Variants in UHRF2 observed in about 807,000 individuals in gnomAD.
UHRF2 encodes the protein E3 ubiquitin-protein ligase UHRF2.
UHRF2 carries 23 observed loss-of-function variants against 96.8 expected under a neutral mutation model. The ratio of observed to expected loss-of-function variants is 0.24; its 90% confidence interval spans 0.17 to 0.34. The LOEUF is 0.34. Among genes scored for constraint, UHRF2 ranks in the 10% least tolerant of loss-of-function variants. The pLI is 1.00. For synonymous variants in UHRF2, 385 were observed against 332.6 expected, an observed-to-expected ratio of 1.16 and a Z score of -1.72; for missense variants, 685 against 981.5, an observed-to-expected ratio of 0.70 and a Z score of 4.04.
At position 6,500,576 on chromosome 9, in the gene UHRF2, T is replaced by G. The variant is rs1337642995; in HGVS notation, c.2030T>G (p.Val677Gly). Residue 677 changes from valine to glycine, a missense_variant, in exon 14 of 16, where the codon GTG becomes GGG. Physicochemically the swap from Val to Gly is moderately radical, Grantham distance 109. Around this residue, in one of 6 missense-constraint regions of UHRF2, gnomAD observed 99 missense variants for 73.5 expected, o/e 1.35. Transcript: ENST00000276893. Reference sequence around the variant, plus strand: ...GATGACTGTCCAAGTGCCTCCAAAGTGTACAAAGCATCAGATTCAGCAGAA... The same window carrying G: ...GATGACTGTCCAAGTGCCTCCAAAGGGTACAAAGCATCAGATTCAGCAGAA... The part of the protein sequence containing the change: ...SDDDCPSASK[V>G]YKASDSAEAI... 6.2e-7 allele frequency: 1 copy of G among 1,612,702 alleles called. No individual in the cohort carries two copies. The highest frequency in any genetic ancestry group is 1.3e-5 in the African/African-American group (1 of 74,876).
At chr9:6,422,631 A>G (rs868098820) in intron 2 of UHRF2, 1 of 636,292 alleles carries the variant, frequency 1.6e-6, no homozygotes, top group Non-Finnish European at 2.9e-6. Context: ...TTTTTTTGAG[A>G]CAGGGTCTGG....
intron 14 of UHRF2, among the ~76,000 whole-genome samples, chr9:6,503,689 A>G (rs988226330): frequency 6.6e-6 from 1 of 152,210 alleles, no homozygotes; most frequent in African/African-American, 2.4e-5. Context: ...TTCAAGTTTT[A>G]TAACAGCAGA....
chr9:6,424,368 G>A (rs1031330832), intron 2 of UHRF2, among the ~76,000 whole-genome samples: 2 of 93,012 alleles, frequency 2.2e-5, no homozygotes, highest in Non-Finnish European at 5.7e-5. Flanking sequence ...GTGCTATATA[G>A]TGGTCACAAT....
At position 6,486,709 on chromosome 9, in the gene UHRF2, T is replaced by C; in HGVS notation, c.1393-112T>C. ...AATGAGAGAGCAAAAGATAGAACTC[T>C]GTGAGACTCACTTCTTGGGTCTTTA... is the stretch of plus-strand genomic sequence containing the variant. On this transcript the variant is annotated intron_variant, in intron 8 of 15. Transcript: ENST00000276893. 4.2e-6 allele frequency: 4 copies of C among 958,686 alleles called. No homozygotes were observed. In the South Asian group the frequency reaches 6.8e-5, roughly 16 times the overall value. 59.4% of individuals were successfully genotyped at this position (958,686 alleles called of 1,614,324 possible). A position where few individuals can be genotyped will look rare whatever the true frequency, so the allele number is the denominator to read the frequency against.
chr9:6,445,367 G>T (rs759533017), intron 3 of UHRF2, among the ~76,000 whole-genome samples: 1 of 152,062 alleles, frequency 6.6e-6, no homozygotes, highest in African/African-American at 2.4e-5. Context: ...AGGTTCAAGC[G>T]ATTCTCCTGC....
rs200835576 is a variant in UHRF2 at position 6,466,642 on chromosome 9, C to G, written c.863+5851C>G. Among the ~76,000 whole-genome samples the G allele has an allele frequency of 2.7e-5, 4 of 146,972 alleles. No homozygotes were observed. The East Asian group carries it at 8.3e-4, about 31-fold the overall frequency. On this transcript the variant is annotated intron_variant, in intron 4 of 15. Transcript: ENST00000276893. ...ATGTATTTACTAAATTTTTTTCATA[C>G]TTAAGAAATTTCTATAGTGATATAC...
intron 8 of UHRF2, among the ~76,000 whole-genome samples, chr9:6,484,244 GTTTT>G (rs1824110011): frequency 6.6e-6 from 1 of 151,550 alleles, no homozygotes; most frequent in African/African-American, 2.4e-5. Context: ...TTTTTGTTTT[GTTTT>G]GTTTTTTGGT....
chr9:6,497,887 A>C (rs1825065309), intron 11 of UHRF2, 131 bp from the exon 12 acceptor site: 1 of 1,130,946 alleles, frequency 8.8e-7, no homozygotes. Context: ...TTCTTGACTT[A>C]CTGTCCTTAC....
rs762962243 is a variant in UHRF2, at chr9:6,497,403, G to A, written c.1767+43G>A. The A allele has an allele frequency of 3.1e-6, 5 of 1,600,704 alleles. No homozygotes were observed. The African/African-American group carries it at 6.7e-5, about 21-fold the overall frequency. On this transcript the variant is annotated intron_variant, in intron 11 of 15. Transcript: ENST00000276893. Reference sequence around the variant, plus strand: ...ACATCTTGTTTGTCATTCTTCCTGGGCTTTCAAGGCAGGGTTGTTGCAAGG... The same window carrying A: ...ACATCTTGTTTGTCATTCTTCCTGGACTTTCAAGGCAGGGTTGTTGCAAGG...
intron 9 of UHRF2, among the ~76,000 whole-genome samples, chr9:6,489,397 CG>C (rs1210096880): frequency 6.6e-6 from 1 of 152,116 alleles, no homozygotes. Context: ...TTTTTGTAAA[CG>C]TAAGTCTTTA....
chr9:6,485,463 A>G (rs1057487711), intron 8 of UHRF2, among the ~76,000 whole-genome samples: 2 of 152,038 alleles, frequency 1.3e-5, no homozygotes, highest in Non-Finnish European at 2.9e-5. Flanking sequence ...AAGATTTAGG[A>G]AAAACAGATT....
chr9:6,446,276 A>T (rs2130804472), intron 3 of UHRF2, among the ~76,000 whole-genome samples: 1 of 151,636 alleles, frequency 6.6e-6, no homozygotes, highest in South Asian at 2.1e-4. Context: ...TCAGCCTCCC[A>T]GGTAGATGGA....
chr9:6,468,345 T>A (rs748731264), intron 4 of UHRF2: 3 of 427,812 alleles, frequency 7.0e-6, no homozygotes, highest in Non-Finnish European at 1.4e-5. Flanking sequence ...AAGCACCTGT[T>A]TGCAGGTAGG....
In UHRF2 at chr9:6,506,035, T is replaced by C. The variant is rs1816564278; in HGVS notation, c.2265T>C (p.Asp755=). The C allele has an allele frequency of 1.2e-6, 2 of 1,613,984 alleles. No individual in the cohort carries two copies. The highest frequency in any genetic ancestry group is 2.7e-5 in the African/African-American group (2 of 74,930). Residue 755 remains aspartate (D), a splice_region_variant and synonymous_variant, in exon 16 of 16, where the codon GAT becomes GAC. Transcript: ENST00000276893. ...TTECFHNVCK[D]CLQRSFKAQV... ...GGATGTTTTTGTTTTTACCATAGGA[T>C]TGCCTACAGCGCTCCTTTAAGGCAC... is the stretch of plus-strand genomic sequence containing the variant.
intron 4 of UHRF2, among the ~76,000 whole-genome samples, chr9:6,474,852 C>A (rs1022674020): frequency 4.6e-5 from 7 of 152,062 alleles, no homozygotes; most frequent in African/African-American, 1.7e-4. Flanking sequence ...ATGAAAAGGG[C>A]ATCTTATTTT....
At chr9:6,492,260 C>G (rs1481556357) in intron 9 of UHRF2, 2 of 938,862 alleles carry the variant, frequency 2.1e-6, no homozygotes, top group South Asian at 3.0e-5. Flanking sequence ...CTCTTACTTT[C>G]CATTACTTTT....
chr9:6,420,996 C>G lies in UHRF2; in HGVS notation c.238C>G (p.Leu80Val), dbSNP rs2130721413. The G allele has an allele frequency of 1.2e-6, 2 of 1,614,100 alleles. No individual in the cohort carries two copies. The highest frequency in any genetic ancestry group is 1.1e-5 in the South Asian group (1 of 91,068). ...GCTAGTTCGCCCAGACCCTGATCAT[C>G]TTCCTGGCACATCTACACAGATTGA... ...QLLVRPDPDH[L>V]PGTSTQIEAK... is the part of the protein sequence containing the mutation. The change falls in exon 2 of 16, where the codon CTT (leucine) becomes GTT (valine). Residue 80 changes from leucine (L) to valine (V), a missense_variant. Transcript: ENST00000276893.
intron 3 of UHRF2, among the ~76,000 whole-genome samples, chr9:6,441,356 A>T (rs1409239340): frequency 6.6e-6 from 1 of 151,878 alleles, no homozygotes; most frequent in Non-Finnish European, 1.5e-5. Context: ...CTTGGGTGAC[A>T]CGGTGAAAAC....
Position 6,506,414 on chromosome 9 carries a change from A to G in UHRF2, c.*235A>G, listed in dbSNP as rs1587895024. ...CTAGTTTTAATGAGTAAAAAGTCAA[A>G]GCCTCAGCTCTAGTTGATATCCAAG... On this transcript the variant is annotated 3_prime_UTR_variant, in exon 16 of 16. Transcript: ENST00000276893. 7.5e-6 allele frequency: 3 copies of G among 399,590 alleles called. No individual in the cohort carries two copies. The highest frequency in any genetic ancestry group is 8.9e-5 in the East Asian group (2 of 22,500). 24.8% of individuals were successfully genotyped at this position (399,590 alleles called of 1,614,324 possible).
Sources: gnomAD v4.1 joint callset for allele counts (sites outside exome capture counted in the v4.1 genomes callset) on GRCh38, gnomAD v4.1.1 for gene constraint, gnomAD v4.1.1 regional missense constraint, MANE v1.5 for transcripts, NCBI Gene and HGNC (gene_info 2026-07-23, HGNC 2026-07-21) for gene names.